RGS7: variants seen among roughly 807,000 people sequenced by gnomAD.
RGS7 encodes regulator of G-protein signaling 7.
RGS7 carries 27 observed loss-of-function variants against 81.1 expected under a neutral mutation model. The ratio of observed to expected loss-of-function variants is 0.33; its 90% confidence interval spans 0.25 to 0.46. The LOEUF is 0.46. Ranked by LOEUF, RGS7 falls within the 20% of genes least tolerant of loss-of-function variation. The pLI is 1.00. For synonymous variants in RGS7, 208 were observed against 207.7 expected (o/e 1.00, Z -0.01); for missense variants, 396 against 607.4 (o/e 0.65, Z 3.66).
intron 2 of RGS7, among the ~76,000 whole-genome samples, chr1:241,255,799 G>T (rs1316166234): frequency 6.6e-6 from 1 of 152,182 alleles, no homozygotes; most frequent in Non-Finnish European, 1.5e-5. Context: ...ACCGCGATGT[G>T]CTTTTCTAAA....
intron 2 of RGS7, among the ~76,000 whole-genome samples, chr1:241,227,800 G>A (rs1164273127): frequency 6.6e-6 from 1 of 152,050 alleles, no homozygotes; most frequent in Admixed American, 6.6e-5. Context: ...GGTACCCTGA[G>A]GGAATATTCT....
chr1:241,267,420 A>G (rs996776382), intron 2 of RGS7, among the ~76,000 whole-genome samples: 1 of 152,056 alleles, frequency 6.6e-6, no homozygotes, highest in African/African-American at 2.4e-5. Flanking sequence ...CTTTGTTTGG[A>G]CTTATTTTTT....
intron 10 of RGS7, among the ~76,000 whole-genome samples, chr1:240,819,290 A>C (rs1691357014): frequency 6.6e-6 from 1 of 152,328 alleles, no homozygotes; most frequent in Non-Finnish European, 1.5e-5. Context: ...TTTAACAGTA[A>C]GTTTTTAGGC....
intron 2 of RGS7, among the ~76,000 whole-genome samples, chr1:241,349,014 A>ATAG (rs1351470653): frequency 6.6e-6 from 1 of 151,900 alleles, no homozygotes; most frequent in Non-Finnish European, 1.5e-5. Context: ...TAAAATGATA[A>ATAG]TAATATTAAT....
chr1:241,030,377 T>TAC (rs1553394000), intron 3 of RGS7, among the ~76,000 whole-genome samples: 1 of 137,384 alleles, frequency 7.3e-6, no homozygotes, highest in Non-Finnish European at 1.6e-5. Context: ...TATATATACA[T>TAC]ACACACATAC....
chr1:241,313,475 C>T (rs932665284), intron 2 of RGS7, among the ~76,000 whole-genome samples: 6 of 152,136 alleles, frequency 3.9e-5, no homozygotes, highest in South Asian at 2.1e-4. Flanking sequence ...ATCCACTCTG[C>T]CTGTGCTCTA....
At chr1:241,006,068 C>T (rs552395293) in intron 3 of RGS7, among the ~76,000 whole-genome samples, 4 of 152,178 alleles carry the variant, frequency 2.6e-5, no homozygotes, top group East Asian at 1.9e-4. Flanking sequence ...CTTCCCTCTG[C>T]CTTTGGTAGA....
At chr1:240,790,027 T>G (rs529963304) in intron 18 of RGS7, among the ~76,000 whole-genome samples, 2 of 152,274 alleles carry the variant, frequency 1.3e-5, no homozygotes, top group Non-Finnish European at 2.9e-5. Flanking sequence ...CCTTTATTTC[T>G]CAGACCAGCT....
At chr1:241,230,414 A>T (rs952475152) in intron 2 of RGS7, among the ~76,000 whole-genome samples, 3 of 152,084 alleles carry the variant, frequency 2.0e-5, no homozygotes, top group Non-Finnish European at 4.4e-5. Flanking sequence ...GGGTTTCGCC[A>T]TGTTAGTCAG....
chr1:240,970,147 C>G (rs1035624161), intron 4 of RGS7, among the ~76,000 whole-genome samples: 6 of 152,144 alleles, frequency 3.9e-5, no homozygotes, highest in Admixed American at 3.3e-4. Flanking sequence ...TTGATTAATG[C>G]TCATGTGTGA....
chr1:240,892,566 T>C (rs1271593156), intron 6 of RGS7, among the ~76,000 whole-genome samples: 1 of 152,180 alleles, frequency 6.6e-6, no homozygotes, highest in Non-Finnish European at 1.5e-5. Context: ...TCTTACATAT[T>C]TTAAGTTGGG....
At chr1:240,898,082 A>G (rs1191826890) in intron 6 of RGS7, among the ~76,000 whole-genome samples, 2 of 152,128 alleles carry the variant, frequency 1.3e-5, no homozygotes, top group Non-Finnish European at 2.9e-5. Context: ...AGGTGTTTAT[A>G]GTATTCTCTG....
chr1:241,085,781 C>A (rs1353100071), intron 3 of RGS7, among the ~76,000 whole-genome samples: 5 of 152,148 alleles, frequency 3.3e-5, no homozygotes, highest in Non-Finnish European at 7.4e-5. Flanking sequence ...TTGAAAGAGG[C>A]AGAGTGGTGG....
chr1:240,882,106 G>C (rs1666508127), intron 6 of RGS7, among the ~76,000 whole-genome samples: 1 of 151,994 alleles, frequency 6.6e-6, no homozygotes, highest in Admixed American at 6.6e-5. Flanking sequence ...GTAGAGATAG[G>C]GTTTCACCAT....
chr1:241,280,526 C>A (rs1310780987), intron 2 of RGS7, among the ~76,000 whole-genome samples: 5 of 152,230 alleles, frequency 3.3e-5, no homozygotes, highest in African/African-American at 1.2e-4. Context: ...GAGACAGGGT[C>A]TTGCTCTGTC....
intron 2 of RGS7, among the ~76,000 whole-genome samples, chr1:241,217,424 G>A (rs546108318): frequency 1.5e-3 from 224 of 152,276 alleles, no homozygotes; most frequent in Non-Finnish European, 2.7e-3. Context: ...TTAAAACTAT[G>A]AGTCTCCAGT....
chr1:241,226,807 T>C (rs554094068), intron 2 of RGS7, among the ~76,000 whole-genome samples: 1 of 152,348 alleles, frequency 6.6e-6, no homozygotes, highest in East Asian at 1.9e-4. Context: ...AAATTCTTTA[T>C]GTTATCAAAT....
chr1:240,990,337 TG>T (rs1686277147), intron 3 of RGS7, among the ~76,000 whole-genome samples: 1 of 152,058 alleles, frequency 6.6e-6, no homozygotes, highest in South Asian at 2.1e-4. Context: ...AAAAGCAAAA[TG>T]TCAAATTTTG....
chr1:240,910,309 A>G (rs1344389841), intron 6 of RGS7, among the ~76,000 whole-genome samples: 1 of 152,204 alleles, frequency 6.6e-6, no homozygotes, highest in Non-Finnish European at 1.5e-5. Flanking sequence ...ACCGGAAGAC[A>G]TTACGGTAGG....
Sources: allele counts gnomAD v4.1 joint callset (sites outside exome capture counted in the v4.1 genomes callset), GRCh38; gene constraint gnomAD v4.1.1; transcripts MANE v1.5; gene names NCBI Gene and HGNC (gene_info 2026-07-23, HGNC 2026-07-21).